The following PLRG1 variants were observed in gnomAD, a reference collection of about 807,000 sequenced individuals.
PLRG1 encodes pleiotropic regulator 1 (PRL1 homolog, Arabidopsis).
A neutral mutation model predicts 74.9 loss-of-function variants in PLRG1; 28 were observed. The observed-to-expected ratio is 0.37, with a 90% confidence interval of 0.28 to 0.51. The LOEUF is 0.51. Among genes scored for constraint, PLRG1 ranks in the 20% least tolerant of loss-of-function variants. The pLI is 0.91. For missense variants in PLRG1, 445 were observed against 631.9 expected (o/e 0.70, Z 3.17); for synonymous variants, 197 against 212.4 (o/e 0.93, Z 0.63).
Position 154,536,641 on chromosome 4 carries a change from TAA to T in PLRG1, c.*42_*43del. On this transcript the variant is annotated 3_prime_UTR_variant, in exon 15 of 15. Coordinates refer to ENST00000499023, the MANE Select transcript of PLRG1 (RefSeq NM_002669.4). ...CATGAACGCCAAGCTTTTTTTTTTT[TAA>T]TTAAAAAGAAAAAAAAAGAGAGAGA... 2 of 1,028,320 alleles carry T rather than the reference TAA, an allele frequency of 1.9e-6. No homozygotes were observed. Among genetic ancestry groups the T allele is most frequent in the Middle Eastern group, 2.9e-4 (1 of 3,436 alleles). The allele number at this position is 1,028,320 out of a possible 1,614,324, so 63.7% of individuals were successfully genotyped here. A position where few individuals can be genotyped will look rare whatever the true frequency, so the allele number is the denominator to read the frequency against.
chr4:154,546,789 CTT>C, intron 4 of PLRG1: 1 of 559,016 alleles, frequency 1.8e-6, no homozygotes, highest in South Asian at 2.4e-5. Context: ...GTTTTACTGT[CTT>C]TGAATTCCTA....
In PLRG1 at chr4:154,535,455, C is replaced by T. The variant is rs1225450288; in HGVS notation, c.*1230G>A. ...AAAGGTTCAAAGTTTCAATAAATCC[C>T]AGAAAACTACATTCCTAAAGGCTGT... On this transcript the variant is annotated 3_prime_UTR_variant, in exon 15 of 15. Coordinates refer to ENST00000499023, the MANE Select transcript of PLRG1 (RefSeq NM_002669.4). 1 of 150,886 alleles carries T rather than the reference C, an allele frequency of 6.6e-6. No homozygotes were observed. The highest frequency in any genetic ancestry group is 1.5e-5 in the Non-Finnish European group (1 of 67,776). 9.3% of individuals were successfully genotyped at this position (150,886 alleles called of 1,614,324 possible).
intron 10 of PLRG1, 50 bp from the exon 11 acceptor site, chr4:154,540,103 C>G: frequency 1.0e-6 from 1 of 968,194 alleles, no homozygotes; most frequent in Non-Finnish European, 1.7e-6. Flanking sequence ...TATTCATTAT[C>G]TCAAGAAGAT....
intron 10 of PLRG1, 200 bp downstream of exon 10, chr4:154,540,394 A>G (rs1389702004): frequency 5.1e-6 from 3 of 593,576 alleles, no homozygotes; most frequent in Admixed American, 6.2e-5. Flanking sequence ...GGGCACTAAT[A>G]ACACTAACAT....
intron 1 of PLRG1, among the ~76,000 whole-genome samples, chr4:154,549,963 A>G (rs1729728956): frequency 6.6e-6 from 1 of 152,240 alleles, no homozygotes; most frequent in Non-Finnish European, 1.5e-5. Flanking sequence ...TTTAGGGCAC[A>G]GACTCACTGA....
intron 6 of PLRG1, 47 bp from the exon 7 acceptor site, chr4:154,544,593 G>A (rs1163724816): frequency 1.0e-6 from 1 of 974,398 alleles, no homozygotes; most frequent in Admixed American, 2.1e-5. Context: ...TCATACCTAA[G>A]GCTTCATGAT....
intron 7 of PLRG1, 71 bp from the exon 8 acceptor site, chr4:154,542,350 G>A (rs890279201): frequency 1.2e-5 from 10 of 866,840 alleles, no homozygotes; most frequent in South Asian, 4.2e-5. Context: ...ACTGCAGCCC[G>A]AGTTTGAATT....
In PLRG1 at chr4:154,546,196, C is replaced by A. The variant is rs1295631532; in HGVS notation, c.331G>T (p.Asp111Tyr). The A allele has an allele frequency of 6.2e-7, 1 of 1,603,780 alleles. No individual in the cohort carries two copies. The highest frequency in any genetic ancestry group is 8.5e-7 in the Non-Finnish European group (1 of 1,170,656). The change falls in exon 5 of 15, where the codon GAT becomes TAT. Residue 111 changes from aspartate to tyrosine, a missense_variant. By Grantham distance (160) the Asp-to-Tyr change is radical. Around this residue, in one of 3 missense-constraint regions of PLRG1, gnomAD observed 206 missense variants for 210.8 expected, o/e 0.98. Coordinates refer to ENST00000499023, the MANE Select transcript of PLRG1 (RefSeq NM_002669.4). Reference protein sequence around the residue: ...PPGPGVALTADTKIQRMPSES... With the variant: ...PPGPGVALTAYTKIQRMPSES... ...CTTGGCATTCTCTGGATCTTAGTAT[C>A]TGCTGTCAAAGCAACCCCTATTAAA...
chr4:154,549,543 G>T, intron 1 of PLRG1: 1 of 384,468 alleles, frequency 2.6e-6, no homozygotes, highest in Non-Finnish European at 5.2e-6. Context: ...CTTTGTAGCT[G>T]CAAGGGTAGA....
At chr4:154,546,497 T>C in intron 4 of PLRG1, 1 of 382,414 alleles carries the variant, frequency 2.6e-6, no homozygotes, top group Non-Finnish European at 4.8e-6. Context: ...TAGTTTCAAG[T>C]CAGTATTAAG....
chr4:154,537,075 C>A lies in PLRG1; in HGVS notation c.1485+211G>T, dbSNP rs145482289. ...TTCTTGGTGCAACATTTCCCAGCAA[C>A]TATAACAAAGGAAGTTGGGATAAAA... On this transcript the variant is annotated intron_variant, in intron 14 of 14. Coordinates refer to ENST00000499023, the MANE Select transcript of PLRG1 (RefSeq NM_002669.4). 4.0e-3 allele frequency among the ~76,000 whole-genome samples: 612 copies of A among 152,160 alleles called. 3 individuals carry two copies. The highest frequency in any genetic ancestry group is 0.014 in the African/African-American group (565 of 41,522).
rs78820150 is a variant in PLRG1 at position 154,541,247 on chromosome 4, C to G, written c.688-313G>C. Among the ~76,000 whole-genome samples the G allele has an allele frequency of 5.9e-3, 900 of 152,100 alleles. 17 individuals are homozygous for G. The highest frequency in any genetic ancestry group is 0.021 in the African/African-American group (872 of 41,520). ...GAGGCTGGCAACAACTTAAAGAAAT[C>G]CTAAAAGCAGCAAATACAGATATGA... On this transcript the variant is annotated intron_variant, in intron 8 of 14. Transcript: ENST00000499023.
chr4:154,543,154 G>GT (rs1241569823), intron 7 of PLRG1, among the ~76,000 whole-genome samples: 1 of 151,968 alleles, frequency 6.6e-6, no homozygotes, highest in Non-Finnish European at 1.5e-5. Flanking sequence ...GTTTTTCTTT[G>GT]TTTTTTGTTT....
intron 10 of PLRG1, chr4:154,540,340 AGTT>A: frequency 1.7e-6 from 1 of 582,606 alleles, no homozygotes; most frequent in Non-Finnish European, 3.0e-6. Context: ...AATGGACAAT[AGTT>A]GTTACAGAAT....
chr4:154,544,864 T>C lies in PLRG1; in HGVS notation c.493-318A>G, dbSNP rs148592518. Among the ~76,000 whole-genome samples, 640 of 152,260 alleles carry C rather than the reference T, an allele frequency of 4.2e-3. 3 individuals carry two copies. The highest frequency in any genetic ancestry group is 0.014 in the South Asian group (68 of 4,824). On this transcript the variant is annotated intron_variant, in intron 6 of 14. Coordinates refer to ENST00000499023, the MANE Select transcript of PLRG1 (RefSeq NM_002669.4). ...AATGGGAAGAATAGTGCCTATTTCA[T>C]AGGGTTACTACAAAGATTTAATAAG...
Position 154,536,406 on chromosome 4 carries a change from T to C in PLRG1, c.*279A>G, listed in dbSNP as rs116491410. 7,890 of 243,244 alleles carry C rather than the reference T, an allele frequency of 0.032. 247 individuals are homozygous for C. Among genetic ancestry groups the C allele is most frequent in the Non-Finnish European group, 0.04 (5,197 of 129,088 alleles). 15.1% of individuals were successfully genotyped at this position (243,244 alleles called of 1,614,324 possible). ...AAAAGGGGGTTTTCTAATAAGACTG[T>C]CAAAATATTACATCTAGAATAGTTA... is the stretch of plus-strand genomic sequence containing the variant. On this transcript the variant is annotated 3_prime_UTR_variant, in exon 15 of 15. Coordinates refer to ENST00000499023, the MANE Select transcript of PLRG1 (RefSeq NM_002669.4).
Position 154,540,601 on chromosome 4 carries a change from G to A in PLRG1, c.932C>T (p.Thr311Ile). 6.2e-7 allele frequency: 1 copy of A among 1,605,968 alleles called. No homozygotes were observed. Among genetic ancestry groups the A allele is most frequent in the Non-Finnish European group, 8.5e-7 (1 of 1,172,644 alleles). ...CAACTCTATCCCATTTACCCGTGCA[G>A]TTGAATCTCGACTACAGGTTACCAA... Reference protein sequence around the residue: ...DVLVTCSRDSTARIWDVRTKA... With the variant: ...DVLVTCSRDSIARIWDVRTKA... Residue 311 changes from threonine (T) to isoleucine (I), a missense_variant, in exon 10 of 15, where the codon ACT (threonine) becomes ATT (isoleucine). By Grantham distance (89) the Thr-to-Ile change is moderately conservative. This residue lies in a region of PLRG1 where 221 missense variants were observed against 377.7 expected (regional missense o/e 0.59). Coordinates refer to ENST00000499023, the MANE Select transcript of PLRG1 (RefSeq NM_002669.4).
At chr4:154,538,942 T>A in intron 12 of PLRG1, 163 bp downstream of exon 12, 1 of 556,616 alleles carries the variant, frequency 1.8e-6, no homozygotes, top group Non-Finnish European at 3.2e-6. Context: ...TGAAGCAAAA[T>A]AGTGCATGAG....
In PLRG1 at chr4:154,547,054, A is replaced by C; in HGVS notation, c.270T>G (p.Val90=). Residue 90 remains valine, a synonymous_variant, in exon 4 of 15, where the codon GTT becomes GTG. Transcript: ENST00000499023. ...KQYPANQGQE[V]EYFVAGTHPY... ...GATGTGTACCTGCCACAAAGTATTCAACTTCTTGTCCTAAAAAAACACAAA... is the reference window on the plus strand; with the variant it reads ...GATGTGTACCTGCCACAAAGTATTCCACTTCTTGTCCTAAAAAAACACAAA... 6.2e-7 allele frequency: 1 copy of C among 1,612,290 alleles called. No homozygotes were observed. Among genetic ancestry groups the C allele is most frequent in the Non-Finnish European group, 8.5e-7 (1 of 1,178,370 alleles).
Sources: gnomAD v4.1 joint callset for allele counts (sites outside exome capture counted in the v4.1 genomes callset) on GRCh38, gnomAD v4.1.1 for gene constraint, gnomAD v4.1.1 regional missense constraint, MANE v1.5 for transcripts, NCBI Gene and HGNC (gene_info 2026-07-23, HGNC 2026-07-21) for gene names.